Variants in FEZ1 observed in about 807,000 individuals in gnomAD.
The protein encoded by FEZ1 is fasciculation and elongation protein zeta-1.
In FEZ1, 20 loss-of-function variants were observed where a neutral mutation model predicts 49.3. That is an observed-to-expected ratio of 0.41 (90% CI 0.29 to 0.59). The LOEUF (loss-of-function observed/expected upper bound fraction) is 0.59. FEZ1 is among the 20% of genes least tolerant of loss of function. The probability of loss-of-function intolerance (pLI) is 0.36; values close to 1 mark genes in which losing one functional copy is unlikely to be tolerated. For synonymous variants in FEZ1, 170 were observed against 180.9 expected, an observed-to-expected ratio of 0.94 and a Z score of 0.48; for missense variants, 413 against 476.0, an observed-to-expected ratio of 0.87 and a Z score of 1.23.
chr11:125,485,023 G>T (rs763296406), intron 2 of FEZ1, among the ~76,000 whole-genome samples: 2 of 152,194 alleles, frequency 1.3e-5, no homozygotes, highest in Non-Finnish European at 2.9e-5. Context: ...TGAGTACCCG[G>T]AGGTGGACTG....
At chr11:125,475,764 C>T (rs529877130) in intron 3 of FEZ1, among the ~76,000 whole-genome samples, 1 of 152,058 alleles carries the variant, frequency 6.6e-6, no homozygotes, top group Admixed American at 6.6e-5. Flanking sequence ...GTTGAACATA[C>T]ACCTACCATA....
At chr11:125,459,956 C>T (rs1033450688) in intron 5 of FEZ1, among the ~76,000 whole-genome samples, 2 of 152,140 alleles carry the variant, frequency 1.3e-5, no homozygotes, top group Admixed American at 6.5e-5. Context: ...ATTAGCAGGG[C>T]GTGGTGGCAC....
chr11:125,458,284 A>C (rs930733493), intron 5 of FEZ1, among the ~76,000 whole-genome samples: 18 of 151,896 alleles, frequency 1.2e-4, no homozygotes, highest in Non-Finnish European at 2.5e-4. Context: ...GGGTGGATCA[A>C]CTCCTAGGAT....
intron 4 of FEZ1, among the ~76,000 whole-genome samples, chr11:125,461,618 C>G (rs552493574): frequency 6.6e-6 from 1 of 151,328 alleles, no homozygotes; most frequent in African/African-American, 2.4e-5. Flanking sequence ...ACAACAACAA[C>G]AAAAAAAAGA....
chr11:125,469,733 C>CTTT (rs35644062), intron 3 of FEZ1, among the ~76,000 whole-genome samples: 2 of 140,318 alleles, frequency 1.4e-5, no homozygotes, highest in East Asian at 2.1e-4. Flanking sequence ...CCAGCTAATG[C>CTTT]TTTTTTTTTT....
Position 125,495,340 on chromosome 11 carries a change from C to T in FEZ1, c.-46+781G>A, listed in dbSNP as rs1208251223. 2.1e-6 allele frequency: 1 copy of T among 468,658 alleles called. No homozygotes were observed. The highest frequency in any genetic ancestry group is 4.4e-6 in the Non-Finnish European group (1 of 225,646). The allele number at this position is 468,658 out of a possible 1,614,324, so 29.0% of individuals were successfully genotyped here. ...GATGAGAGTCGGGGATGCCTAGCGG[C>T]GAGGAGAGAAGGGATAGGCAAAAGG... On this transcript the variant is annotated intron_variant, in intron 1 of 9. Coordinates refer to ENST00000278919, the MANE Select transcript of FEZ1 (RefSeq NM_005103.5). This position sits in a 1 kb window ranked among gnomAD's most constrained non-coding sequence, Gnocchi z 4.2.
chr11:125,476,479 AAAT>A (rs1209430606), intron 3 of FEZ1, among the ~76,000 whole-genome samples: 1 of 152,174 alleles, frequency 6.6e-6, no homozygotes, highest in Non-Finnish European at 1.5e-5. Flanking sequence ...TCTTCAGAAA[AAAT>A]AATAAGAAAA....
chr11:125,469,426 C>T (rs1490337454), intron 3 of FEZ1, among the ~76,000 whole-genome samples: 2 of 152,038 alleles, frequency 1.3e-5, no homozygotes, highest in Non-Finnish European at 2.9e-5. Flanking sequence ...GCCCAACTAA[C>T]TTTTGTATTT....
In FEZ1 at chr11:125,463,505, C is replaced by T; in HGVS notation, c.477G>A (p.Glu159=). The change falls in exon 4 of 10, where the codon GAG becomes GAA. Residue 159 remains glutamate (E), a synonymous_variant. Transcript: ENST00000278919. Reference sequence around the variant, plus strand: ...ATACCTGATCTGCTGTGAGCAGAGGCTCCTCGTTGATACCGGAATCATTTT... The same window carrying T: ...ATACCTGATCTGCTGTGAGCAGAGGTTCCTCGTTGATACCGGAATCATTTT... ...KSENDSGINE[E]PLLTADQVIE... 2 of 1,606,504 alleles carry T rather than the reference C, an allele frequency of 1.2e-6. No homozygotes were observed. The highest frequency in any genetic ancestry group is 1.7e-6 in the Non-Finnish European group (2 of 1,173,102).
At chr11:125,461,602 G>T (rs1041358709) in intron 4 of FEZ1, among the ~76,000 whole-genome samples, 4 of 152,128 alleles carry the variant, frequency 2.6e-5, no homozygotes, top group African/African-American at 9.7e-5. Flanking sequence ...GCCAGATCCT[G>T]TTTCAACAAC....
intron 3 of FEZ1, among the ~76,000 whole-genome samples, chr11:125,466,332 T>C (rs1487002698): frequency 6.6e-6 from 1 of 151,854 alleles, no homozygotes; most frequent in Non-Finnish European, 1.5e-5. Context: ...ATAGAAAAAT[T>C]AGTCAGGCAT....
At chr11:125,460,350 T>TA (rs1257049116) in intron 5 of FEZ1, 148 bp downstream of exon 5, 2 of 580,302 alleles carry the variant, frequency 3.4e-6, no homozygotes, top group East Asian at 5.9e-5. Flanking sequence ...TGATGCCGAG[T>TA]AAGAAAGGTA....
intron 2 of FEZ1, 153 bp from the exon 3 acceptor site, chr11:125,481,786 A>C (rs1464490228): frequency 1.6e-6 from 1 of 642,558 alleles, no homozygotes; most frequent in African/African-American, 1.8e-5. Context: ...CAGCTTAAAA[A>C]CTGAATCAGA....
At chr11:125,459,219 GCTTT>G (rs1483118369) in intron 5 of FEZ1, among the ~76,000 whole-genome samples, 12 of 152,228 alleles carry the variant, frequency 7.9e-5, no homozygotes, top group Admixed American at 1.3e-4. Flanking sequence ...GAGTGAGACT[GCTTT>G]CTGTCTTTGC....
chr11:125,475,221 G>A (rs1053893580), intron 3 of FEZ1, among the ~76,000 whole-genome samples: 2 of 151,778 alleles, frequency 1.3e-5, no homozygotes, highest in African/African-American at 4.8e-5. Context: ...TGTGAGCTGA[G>A]ATTGAGCCAC....
intron 2 of FEZ1, among the ~76,000 whole-genome samples, chr11:125,484,742 T>C (rs1352653145): frequency 6.6e-6 from 1 of 151,486 alleles, no homozygotes; most frequent in Non-Finnish European, 1.5e-5. Flanking sequence ...ACGATGATCC[T>C]GAACATTGTG....
At chr11:125,453,937 A>C (rs991390749) in intron 7 of FEZ1, 193 bp downstream of exon 7, 30 of 439,416 alleles carry the variant, frequency 6.8e-5, no homozygotes, top group Middle Eastern at 1.2e-3. Context: ...TCAAAAAAAA[A>C]AAAAAAAAAA....
intron 3 of FEZ1, 105 bp downstream of exon 3, chr11:125,481,429 G>T: frequency 1.3e-6 from 1 of 795,844 alleles, no homozygotes; most frequent in East Asian, 2.4e-5. Flanking sequence ...TTACAGGCAT[G>T]AGCCTCCATC....
intron 3 of FEZ1, among the ~76,000 whole-genome samples, chr11:125,473,818 C>CAAAAAAAA (rs141159400): frequency 9.8e-6 from 1 of 102,108 alleles, no homozygotes; most frequent in African/African-American, 3.8e-5. Context: ...GACTCCATTT[C>CAAAAAAAA]AAAAAAAAAA....
Sources: gnomAD v4.1 joint callset for allele counts (sites outside exome capture counted in the v4.1 genomes callset) on GRCh38, gnomAD v4.1.1 for gene constraint, Gnocchi (gnomAD v3.1) non-coding constraint, MANE v1.5 for transcripts, NCBI Gene and HGNC (gene_info 2026-07-23, HGNC 2026-07-21) for gene names.